EXOC4: variants seen among roughly 807,000 people sequenced by gnomAD.
EXOC4 encodes the protein exocyst complex component 4.
In EXOC4, 71 loss-of-function variants were observed where a neutral mutation model predicts 107.2. That is an observed-to-expected ratio of 0.66 (90% CI 0.55 to 0.81). The LOEUF (loss-of-function observed/expected upper bound fraction) is 0.81. Among genes scored for constraint, EXOC4 ranks in the 30% least tolerant of loss-of-function variants. The probability of loss-of-function intolerance (pLI) is 0.00; values close to 1 mark genes in which losing one functional copy is unlikely to be tolerated. For missense variants in EXOC4, 1,108 were observed against 1,189.6 expected (o/e 0.93, Z 1.01); for synonymous variants, 456 against 441.2 (o/e 1.03, Z -0.42).
chr7:134,017,464 C>T (rs6966335), intron 17 of EXOC4, among the ~76,000 whole-genome samples: 77,448 of 151,820 alleles, frequency 0.51, 20,739 homozygotes, highest in African/African-American at 0.66. Flanking sequence ...AAATCTTGTA[C>T]GGCCTGATCT....
At chr7:133,425,286 C>CT in intron 7 of EXOC4, among the ~76,000 whole-genome samples, 1 of 152,090 alleles carries the variant, frequency 6.6e-6, no homozygotes, top group Non-Finnish European at 1.5e-5. Flanking sequence ...AGCCAAGACA[C>CT]TTTTTTTGTT....
chr7:133,450,352 G>A (rs1798314049), intron 7 of EXOC4, among the ~76,000 whole-genome samples: 1 of 152,010 alleles, frequency 6.6e-6, no homozygotes, highest in African/African-American at 2.4e-5. Context: ...TTGTAGAGAT[G>A]GGGTTTTGCT....
At chr7:133,712,096 G>T (rs1794904284) in intron 10 of EXOC4, among the ~76,000 whole-genome samples, 1 of 152,062 alleles carries the variant, frequency 6.6e-6, no homozygotes, top group South Asian at 2.1e-4. Flanking sequence ...CACTAGGATG[G>T]CTGTAACATA....
intron 9 of EXOC4, among the ~76,000 whole-genome samples, chr7:133,497,248 G>T (rs1251588492): frequency 6.6e-6 from 1 of 152,128 alleles, no homozygotes; most frequent in Non-Finnish European, 1.5e-5. Context: ...CTGACCCACA[G>T]AAATTGTGAG....
intron 13 of EXOC4, among the ~76,000 whole-genome samples, chr7:133,923,885 C>G (rs1478578444): frequency 6.6e-6 from 1 of 152,118 alleles, no homozygotes; most frequent in Non-Finnish European, 1.5e-5. Flanking sequence ...ATATTTTCCC[C>G]CTGCATCTGA....
chr7:133,521,780 C>T (rs545533095), intron 9 of EXOC4, among the ~76,000 whole-genome samples: 10 of 151,922 alleles, frequency 6.6e-5, no homozygotes, highest in East Asian at 1.9e-4. Flanking sequence ...CCACCACGCC[C>T]GGCTAATTTT....
At chr7:133,484,100 T>C (rs1261063841) in intron 9 of EXOC4, 1 of 1,613,250 alleles carries the variant, frequency 6.2e-7, no homozygotes, top group Non-Finnish European at 8.5e-7. Flanking sequence ...GCTCAAATTT[T>C]ACAAAAGTTA....
Position 133,952,131 on chromosome 7 carries a change from G to A in EXOC4, c.2206+14062G>A, listed in dbSNP as rs1268177460. On this transcript the variant is annotated intron_variant, in intron 14 of 17. Coordinates refer to ENST00000253861, the MANE Select transcript of EXOC4 (RefSeq NM_021807.4). ...AGATTGTGCCATTGCACTCCAGCCC[G>A]AGCTGACAACAGTGAGACTGTGTCT... is the stretch of plus-strand genomic sequence containing the variant. Among the ~76,000 whole-genome samples the A allele has an allele frequency of 2.6e-5, 4 of 151,416 alleles. No homozygotes were observed. The East Asian group carries it at 5.8e-4, about 22-fold the overall frequency.
chr7:133,708,337 G>A (rs1794813355), intron 10 of EXOC4, among the ~76,000 whole-genome samples: 1 of 152,178 alleles, frequency 6.6e-6, no homozygotes, highest in African/African-American at 2.4e-5. Context: ...TTGGCTAGAT[G>A]GGGAACATTG....
At chr7:133,817,637 TTCC>T (rs1797404788) in intron 11 of EXOC4, 93 bp downstream of exon 11, 34 of 890,528 alleles carry the variant, frequency 3.8e-5, no homozygotes, top group Non-Finnish European at 5.5e-5. Context: ...TACCATCTGT[TTCC>T]ATATTCATCA....
At chr7:133,464,811 GTTTTTTTTT>G (rs3046149) in intron 7 of EXOC4, among the ~76,000 whole-genome samples, 1 of 51,298 alleles carries the variant, frequency 1.9e-5, no homozygotes, top group African/African-American at 8.3e-5. Context: ...GGTTGGGTTG[GTTTTTTTTT>G]TTTTTTTTTT....
intron 17 of EXOC4, among the ~76,000 whole-genome samples, chr7:134,025,747 C>G (rs1477706707): frequency 6.6e-6 from 1 of 152,210 alleles, no homozygotes; most frequent in Admixed American, 6.5e-5. Flanking sequence ...AGGCATACCT[C>G]TTACATGGTT....
At chr7:133,790,099 C>G (rs973847260) in intron 10 of EXOC4, among the ~76,000 whole-genome samples, 13 of 152,156 alleles carry the variant, frequency 8.5e-5, no homozygotes, top group African/African-American at 2.9e-4. Context: ...ACTAACAGAA[C>G]CTGATCTTCC....
At chr7:134,028,265 C>G (rs1308078842) in intron 17 of EXOC4, among the ~76,000 whole-genome samples, 2 of 152,192 alleles carry the variant, frequency 1.3e-5, no homozygotes, top group African/African-American at 4.8e-5. Context: ...TTCACATACT[C>G]AAGTCCTTGT....
At chr7:133,785,470 G>A (rs887703413) in intron 10 of EXOC4, among the ~76,000 whole-genome samples, 4 of 152,144 alleles carry the variant, frequency 2.6e-5, no homozygotes, top group African/African-American at 9.6e-5. Context: ...GTAATATAGG[G>A]ATAGAGTGAA....
At chr7:133,972,498 G>A (rs1358161065) in intron 14 of EXOC4, among the ~76,000 whole-genome samples, 3 of 152,096 alleles carry the variant, frequency 2.0e-5, no homozygotes, top group Non-Finnish European at 4.4e-5. Flanking sequence ...TATCTTTTAA[G>A]TTGTTTTCTT....
rs1797418360 is a variant in EXOC4 at position 133,818,090 on chromosome 7, TAGCA to T, written c.1734+547_1734+550del. Reference sequence around the variant, plus strand: ...TACTTTATATAAAAAAATGGTTTCTTAGCATCAGAAAAAATAAAATAATCTGTCA... The same window carrying T: ...TACTTTATATAAAAAAATGGTTTCTTTCAGAAAAAATAAAATAATCTGTCA... On this transcript the variant is annotated intron_variant, in intron 11 of 17. Transcript: ENST00000253861. Among the ~76,000 whole-genome samples the T allele has an allele frequency of 2.0e-5, 3 of 152,308 alleles. No individual in the cohort carries two copies. In the South Asian group the frequency reaches 6.2e-4, roughly 32 times the overall value.
intron 7 of EXOC4, among the ~76,000 whole-genome samples, chr7:133,397,489 G>A (rs559567960): frequency 6.6e-6 from 1 of 151,954 alleles, no homozygotes; most frequent in African/African-American, 2.4e-5. Context: ...TGAATTATTA[G>A]TTCTTAGGCA....
intron 17 of EXOC4, among the ~76,000 whole-genome samples, chr7:134,021,044 T>G (rs1268083446): frequency 6.6e-6 from 1 of 151,812 alleles, no homozygotes; most frequent in Non-Finnish European, 1.5e-5. Context: ...TCTTGCAGAT[T>G]GGACTTGCCT....
Sources: allele counts gnomAD v4.1 joint callset (sites outside exome capture counted in the v4.1 genomes callset), GRCh38; gene constraint gnomAD v4.1.1; transcripts MANE v1.5; gene names NCBI Gene and HGNC (gene_info 2026-07-23, HGNC 2026-07-21).